Variants in ZBTB14 observed in about 807,000 individuals in gnomAD.
The protein encoded by ZBTB14 is zinc finger and BTB domain containing 14.
A neutral mutation model predicts 29.5 loss-of-function variants in ZBTB14; 8 were observed. The ratio of observed to expected loss-of-function variants is 0.27; its 90% CI spans 0.16 to 0.49. ZBTB14 has a LOEUF of 0.49. ZBTB14 is among the 20% of genes least tolerant of loss of function. The pLI is 0.99. For missense variants in ZBTB14, 333 were observed against 563.8 expected, an observed-to-expected ratio of 0.59 and a Z score of 4.15; for synonymous variants, 226 against 207.2, an observed-to-expected ratio of 1.09 and a Z score of -0.78.
chr18:5,293,141 CAGACAAATAGAAGTGT>C (rs2071856575), intron 3 of ZBTB14, 87 bp downstream of exon 3: 2 of 1,224,028 alleles, frequency 1.6e-6, no homozygotes, highest in Middle Eastern at 2.8e-4. Flanking sequence ...TATTTTCCCC[CAGACAAATAGAAGTGT>C]TCATGCACAA....
intron 1 of ZBTB14, among the ~76,000 whole-genome samples, chr18:5,295,403 C>G (rs2071931015): frequency 6.9e-6 from 1 of 145,024 alleles, no homozygotes; most frequent in South Asian, 2.1e-4. Context: ...CGGCGGGGCC[C>G]GCGGCTCGGA....
At chr18:5,296,640 G>C (rs940884845), upstream of ZBTB14, among the ~76,000 whole-genome samples, 1 of 152,102 alleles carries the variant, frequency 6.6e-6, no homozygotes, top group Admixed American at 6.5e-5. Flanking sequence ...TTGTGGGGGA[G>C]TGGACGGTGC....
In ZBTB14 at chr18:5,290,718, C is replaced by A; in HGVS notation, c.*140G>T. 4 of 1,310,142 alleles carry A rather than the reference C, an allele frequency of 3.1e-6. No homozygotes were observed. Among genetic ancestry groups the A allele is most frequent in the Non-Finnish European group, 4.1e-6 (4 of 966,434 alleles). 81.2% of individuals were successfully genotyped at this position (1,310,142 alleles called of 1,614,324 possible). A position where few individuals can be genotyped will look rare whatever the true frequency, so the allele number is the denominator to read the frequency against. On this transcript the variant is annotated 3_prime_UTR_variant, in exon 4 of 4. Transcript: ENST00000651870. ...TTTCCTTGAAAAGTCTTAAAAATAG[C>A]TAACCAAGCACTGCCTTAAGTCCAG...
intron 1 of ZBTB14, among the ~76,000 whole-genome samples, chr18:5,294,442 C>T (rs1375494365): frequency 1.3e-5 from 2 of 152,160 alleles, no homozygotes; most frequent in African/African-American, 2.4e-5. Context: ...CTTAGACTAG[C>T]TATGACAACA....
upstream of ZBTB14, among the ~76,000 whole-genome samples, chr18:5,296,371 C>T (rs1008675380): frequency 4.0e-5 from 6 of 150,286 alleles, no homozygotes; most frequent in South Asian, 4.1e-4. Flanking sequence ...AGCTCCCTCC[C>T]GCCCTGGTTC....
In ZBTB14 at chr18:5,291,647, G is replaced by A. The variant is rs200323387; in HGVS notation, c.561C>T (p.Asp187=). Residue 187 remains aspartate (D), a synonymous_variant, in exon 4 of 4, where the codon GAC becomes GAT. Transcript: ENST00000651870. The surrounding 1 kb of genome is among the most constrained non-coding windows in gnomAD (Gnocchi z 5.8). ...TGAGCGTTGTGGTGGGCGACTTGCCGTCCTCCTGACTCGGGGGTGTGCCTT... is the reference window on the plus strand; with the variant it reads ...TGAGCGTTGTGGTGGGCGACTTGCCATCCTCCTGACTCGGGGGTGTGCCTT... ...TVEGTPPSQE[D]GKSPTTTLRV... 1.2e-5 allele frequency: 19 copies of A among 1,613,914 alleles called. No individual in the cohort carries two copies. The highest frequency in any genetic ancestry group is 1.1e-4 in the African/African-American group (8 of 74,984).
intron 3 of ZBTB14, 40 bp downstream of exon 3, chr18:5,293,204 G>A (rs781669035): frequency 1.8e-5 from 29 of 1,608,644 alleles, no homozygotes; most frequent in Non-Finnish European, 2.4e-5. Context: ...CAAATGCCAA[G>A]TCATTTTCAT....
intron 3 of ZBTB14, 79 bp from the exon 4 acceptor site, chr18:5,292,283 G>A: frequency 3.4e-6 from 4 of 1,184,448 alleles, no homozygotes; most frequent in Non-Finnish European, 4.5e-6. Flanking sequence ...TCATTTCCTG[G>A]TCAATCTATG....
chr18:5,295,422 G>A (rs1170348739), intron 1 of ZBTB14, among the ~76,000 whole-genome samples: 1 of 144,874 alleles, frequency 6.9e-6, no homozygotes, highest in East Asian at 2.0e-4. Flanking sequence ...GAGGGGCGGC[G>A]CCCGGCGGGC....
At chr18:5,294,418 G>T (rs1185663780) in intron 1 of ZBTB14, among the ~76,000 whole-genome samples, 1 of 152,214 alleles carries the variant, frequency 6.6e-6, no homozygotes, top group East Asian at 1.9e-4. Flanking sequence ...CATGGGACCA[G>T]AGAGAGGAGT....
At chr18:5,293,575 A>G in intron 2 of ZBTB14, 1 of 255,756 alleles carries the variant, frequency 3.9e-6, no homozygotes, top group Non-Finnish European at 7.5e-6. Flanking sequence ...GAGGGGTTGG[A>G]GAACCATTAA....
At chr18:5,295,085 G>A (rs1466850888) in intron 1 of ZBTB14, among the ~76,000 whole-genome samples, 1 of 151,298 alleles carries the variant, frequency 6.6e-6, no homozygotes, top group African/African-American at 2.4e-5. Context: ...GTCGAGCGCA[G>A]GCTTGGGACC....
chr18:5,294,923 G>A (rs1202634979), intron 1 of ZBTB14: 2 of 152,196 alleles, frequency 1.3e-5, no homozygotes, highest in Non-Finnish European at 2.9e-5. Context: ...GCAGACCCAA[G>A]AAGCCCTCAA....
rs528495424 is a variant in ZBTB14, at chr18:5,294,158, C to T, written c.-111-157G>A. Among the ~76,000 whole-genome samples the T allele has an allele frequency of 6.6e-5, 10 of 152,346 alleles. No individual in the cohort carries two copies. The South Asian group carries it at 1.9e-3, about 28-fold the overall frequency. On this transcript the variant is annotated intron_variant, in intron 1 of 3. Coordinates refer to ENST00000651870, the MANE Select transcript of ZBTB14 (RefSeq NM_001243702.2). ...ACACCTTGAAACCCATAATAAGCTC[C>T]TTCTAAAGAAAAGTGAACACACCGA...
At chr18:5,292,712 C>T (rs2071844646) in intron 3 of ZBTB14, among the ~76,000 whole-genome samples, 1 of 152,212 alleles carries the variant, frequency 6.6e-6, no homozygotes, top group African/African-American at 2.4e-5. Flanking sequence ...ATTCCATCTA[C>T]TCTATGGAGG....
intron 2 of ZBTB14, chr18:5,293,748 A>G (rs2071872696): frequency 9.4e-6 from 1 of 105,992 alleles, no homozygotes; most frequent in African/African-American, 4.5e-5. Flanking sequence ...ACAAACCTAT[A>G]GAAGTATATA....
chr18:5,296,137 G>A (rs2071958267), upstream of ZBTB14: 1 of 151,620 alleles, frequency 6.6e-6, no homozygotes, highest in African/African-American at 2.4e-5. Context: ...GGGTCTCTAA[G>A]TGGGCGAGCA....
At chr18:5,296,885 C>T (rs2071979404), upstream of ZBTB14, 1 of 152,050 alleles carries the variant, frequency 6.6e-6, no homozygotes, top group Non-Finnish European at 1.5e-5. Context: ...CCTTAACATC[C>T]CTGCTCAGCG....
intron 2 of ZBTB14, 26 bp from the exon 3 acceptor site, chr18:5,293,353 T>C (rs1027821338): frequency 2.3e-5 from 27 of 1,164,172 alleles, no homozygotes; most frequent in Non-Finnish European, 3.1e-5. Flanking sequence ...TAAACAAGAA[T>C]GAGGTAGGAT....
Sources: allele counts gnomAD v4.1 joint callset (sites outside exome capture counted in the v4.1 genomes callset), GRCh38; gene constraint gnomAD v4.1.1; non-coding constraint Gnocchi (gnomAD v3.1); transcripts MANE v1.5; gene names NCBI Gene and HGNC (gene_info 2026-07-23, HGNC 2026-07-21).